The following NGLY1 variants were observed in gnomAD, a reference collection of about 807,000 sequenced individuals.
NGLY1 encodes the protein N-glycanase 1, also known as peptide-N(4)-(N-acetyl-beta-glucosaminyl)asparagine amidase.
A neutral mutation model predicts 84.6 loss-of-function variants in NGLY1; 68 were observed. The observed-to-expected ratio is 0.80, with a 90% CI of 0.66 to 0.98. The LOEUF (loss-of-function observed/expected upper bound fraction) is 0.98. NGLY1 is among the 50% of genes least tolerant of loss of function. The probability of loss-of-function intolerance (pLI) is 0.00; values close to 1 mark genes in which losing one functional copy is unlikely to be tolerated. For synonymous variants in NGLY1, 280 were observed against 275.2 expected (o/e 1.02, Z -0.17); for missense variants, 779 against 770.2 (o/e 1.01, Z -0.14).
upstream of NGLY1, chr3:25,783,596 A>T (rs1236977893): frequency 8.5e-5 from 3 of 35,468 alleles, no homozygotes; most frequent in Admixed American, 7.4e-4. This position sits in a 1 kb window ranked among gnomAD's most constrained non-coding sequence, Gnocchi z 4.5. Context: ...TTCGGCCGGC[A>T]GGGGCGGGGT....
At chr3:25,783,592 C>A (rs1208244077), upstream of NGLY1, 1 of 95,984 alleles carries the variant, frequency 1.0e-5, no homozygotes, top group African/African-American at 5.3e-5. This position sits in a 1 kb window ranked among gnomAD's most constrained non-coding sequence, Gnocchi z 4.5. Context: ...GGTCTTCGGC[C>A]GGCAGGGGCG....
chr3:25,756,508 T>C (rs1201813881), intron 3 of NGLY1, among the ~76,000 whole-genome samples: 1 of 152,212 alleles, frequency 6.6e-6, no homozygotes, highest in African/African-American at 2.4e-5. Context: ...CAGTTACAGT[T>C]TTAGTCTTAT....
At chr3:25,745,220 A>G (rs1381406636) in intron 4 of NGLY1, among the ~76,000 whole-genome samples, 1 of 152,180 alleles carries the variant, frequency 6.6e-6, no homozygotes, top group African/African-American at 2.4e-5. Context: ...AGTAGCTGAA[A>G]TGTGCTGAGT....
At chr3:25,752,464 C>T (rs1169049693) in intron 3 of NGLY1, among the ~76,000 whole-genome samples, 1 of 152,024 alleles carries the variant, frequency 6.6e-6, no homozygotes, top group Non-Finnish European at 1.5e-5. Context: ...TTGTGATCCG[C>T]CCGCCTCAGC....
intron 6 of NGLY1, chr3:25,736,871 G>A (rs1166257869): frequency 6.2e-6 from 1 of 160,368 alleles, no homozygotes; most frequent in Admixed American, 6.2e-5. Flanking sequence ...AAAGAAACAA[G>A]ACCTAGTGTT....
intron 3 of NGLY1, among the ~76,000 whole-genome samples, chr3:25,754,229 T>C (rs555377569): frequency 7.9e-5 from 12 of 152,320 alleles, no homozygotes; most frequent in African/African-American, 9.6e-5. Context: ...GGATAAATAT[T>C]ATTAAGCAAA....
intron 4 of NGLY1, among the ~76,000 whole-genome samples, 193 bp from the exon 5 acceptor site, chr3:25,739,992 C>T (rs1706047646): frequency 6.6e-6 from 1 of 152,244 alleles, no homozygotes; most frequent in South Asian, 2.1e-4. Flanking sequence ...AGTATAACTG[C>T]ACATTAAAAA....
At chr3:25,723,820 G>T (rs1020163018) in intron 10 of NGLY1, among the ~76,000 whole-genome samples, 2 of 149,802 alleles carry the variant, frequency 1.3e-5, no homozygotes, top group African/African-American at 4.9e-5. Flanking sequence ...TCTAAAAGGT[G>T]AGTGTTGCTA....
intron 2 of NGLY1, among the ~76,000 whole-genome samples, chr3:25,766,445 A>G (rs537121168): frequency 1.3e-5 from 2 of 152,338 alleles, no homozygotes; most frequent in Admixed American, 1.3e-4. Context: ...GCAGGGATTC[A>G]GACTCCATGA....
chr3:25,768,555 G>A (rs1017308851), intron 2 of NGLY1, among the ~76,000 whole-genome samples: 3 of 141,100 alleles, frequency 2.1e-5, no homozygotes, highest in African/African-American at 5.2e-5. Flanking sequence ...GATTTCATAA[G>A]TAAGACTTTT....
intron 4 of NGLY1, among the ~76,000 whole-genome samples, chr3:25,747,143 ATCT>A (rs1176314152): frequency 1.3e-5 from 2 of 152,164 alleles, no homozygotes; most frequent in African/African-American, 4.8e-5. Context: ...TTGAATTCTC[ATCT>A]TCTATTTAGC....
chr3:25,766,617 G>T (rs1252673739), intron 2 of NGLY1, among the ~76,000 whole-genome samples: 1 of 152,098 alleles, frequency 6.6e-6, no homozygotes, highest in East Asian at 1.9e-4. Context: ...TTCAACCTTA[G>T]AAAGAATCTT....
chr3:25,761,264 G>C (rs1445206783), intron 3 of NGLY1, among the ~76,000 whole-genome samples: 2 of 152,114 alleles, frequency 1.3e-5, no homozygotes, highest in Non-Finnish European at 2.9e-5. Context: ...TTATACTTCA[G>C]AATCACATTT....
chr3:25,720,594 G>A (rs1003880903), intron 10 of NGLY1, among the ~76,000 whole-genome samples: 5 of 152,038 alleles, frequency 3.3e-5, no homozygotes, highest in Non-Finnish European at 7.4e-5. Context: ...TTTCATATAC[G>A]CTTTCCTAGT....
upstream of NGLY1, among the ~76,000 whole-genome samples, chr3:25,786,025 A>G (rs1289198986): frequency 1.3e-5 from 2 of 152,252 alleles, no homozygotes; most frequent in East Asian, 1.9e-4. Context: ...TAGTCACACA[A>G]TAGTGAATCA....
At position 25,736,005 on chromosome 3, in the gene NGLY1, T is replaced by C; in HGVS notation, c.1148A>G (p.Glu383Gly). ...AAGTTTTTTTCTTTTATGCTCTACC[T>C]CATCTTTTGAAAATGCTATGACATA... ...LSYVIAFSKD[E>G]VVDVTWRYSC... is the part of the protein sequence containing the mutation. Residue 383 changes from glutamate (E) to glycine (G), a missense_variant and splice_region_variant, in exon 7 of 12, where the codon GAG becomes GGG. By Grantham distance (98) the Glu-to-Gly change is moderately conservative (BLOSUM62 -2). Transcript: ENST00000280700. 2 of 1,607,288 alleles carry C rather than the reference T, an allele frequency of 1.2e-6. No individual in the cohort carries two copies. The highest frequency in any genetic ancestry group is 1.7e-6 in the Non-Finnish European group (2 of 1,177,768).
intron 2 of NGLY1, among the ~76,000 whole-genome samples, chr3:25,769,217 C>T (rs571254814): frequency 1.3e-5 from 2 of 151,884 alleles, no homozygotes; most frequent in East Asian, 1.9e-4. Flanking sequence ...AAGAATTAGC[C>T]GGGCATGATG....
At chr3:25,749,082 A>T (rs1553656679) in intron 4 of NGLY1, among the ~76,000 whole-genome samples, 1 of 152,220 alleles carries the variant, frequency 6.6e-6, no homozygotes, top group Non-Finnish European at 1.5e-5. Flanking sequence ...ACTATTGAAA[A>T]ATCAGAAAAT....
rs1033254668 is a variant in NGLY1 at position 25,761,551 on chromosome 3, G to T, written c.492+2515C>A. ...CCACTAAAATGGGTATACTAAAAAA[G>T]ACAGTAACAATGGTTGGTGAGGATA... On this transcript the variant is annotated intron_variant, in intron 3 of 11. Coordinates refer to ENST00000280700, the MANE Select transcript of NGLY1 (RefSeq NM_018297.4). 2.0e-5 allele frequency among the ~76,000 whole-genome samples: 3 copies of T among 152,130 alleles called. No homozygotes were observed. The South Asian group carries it at 6.2e-4, about 31-fold the overall frequency.
Sources: gnomAD v4.1 joint callset for allele counts (sites outside exome capture counted in the v4.1 genomes callset) on GRCh38, gnomAD v4.1.1 for gene constraint, Gnocchi (gnomAD v3.1) non-coding constraint, MANE v1.5 for transcripts, NCBI Gene and HGNC (gene_info 2026-07-23, HGNC 2026-07-21) for gene names.